TRAPPC8: variants seen among roughly 807,000 people sequenced by gnomAD.
TRAPPC8 encodes the protein trafficking protein particle complex subunit 8.
A neutral mutation model predicts 174.3 loss-of-function variants in TRAPPC8; 54 were observed. That is an observed-to-expected ratio of 0.31 (90% confidence interval 0.25 to 0.39). TRAPPC8 has a LOEUF of 0.39. Ranked by LOEUF, TRAPPC8 falls within the 10% of genes least tolerant of loss-of-function variation. TRAPPC8 has a pLI of 1.00. For missense variants in TRAPPC8, 1,531 were observed against 1,699.1 expected (o/e 0.90, Z 1.74); for synonymous variants, 630 against 579.9 (o/e 1.09, Z -1.24).
intron 2 of TRAPPC8, among the ~76,000 whole-genome samples, chr18:31,927,983 C>T (rs2037689911): frequency 1.3e-5 from 2 of 151,600 alleles, no homozygotes; most frequent in Admixed American, 1.3e-4. Flanking sequence ...GGTGAAACCC[C>T]GTCTCTTATT....
chr18:31,912,155 A>G (rs752541897), intron 5 of TRAPPC8, among the ~76,000 whole-genome samples: 5 of 152,100 alleles, frequency 3.3e-5, no homozygotes, highest in Non-Finnish European at 7.4e-5. Context: ...ACCCACCTAA[A>G]AAGTATGAGT....
At chr18:31,935,151 C>G (rs1184383876) in intron 1 of TRAPPC8, among the ~76,000 whole-genome samples, 1 of 151,374 alleles carries the variant, frequency 6.6e-6, no homozygotes, top group East Asian at 2.0e-4. Flanking sequence ...TCAAAACCAG[C>G]CTGACCAACA....
chr18:31,894,741 T>C (rs2036113161), intron 11 of TRAPPC8, among the ~76,000 whole-genome samples: 1 of 152,194 alleles, frequency 6.6e-6, no homozygotes, highest in African/African-American at 2.4e-5. Flanking sequence ...CATCTCTGCA[T>C]ACTTGTGAAG....
chr18:31,898,015 A>ACCCT (rs2036254749), intron 10 of TRAPPC8, 124 bp from the exon 11 acceptor site: 1 of 749,548 alleles, frequency 1.3e-6, no homozygotes, highest in Non-Finnish European at 2.0e-6. Flanking sequence ...TGGTTCCAGG[A>ACCCT]CCCTCCAGGA....
chr18:31,895,521 A>G (rs192825757), intron 11 of TRAPPC8, among the ~76,000 whole-genome samples: 4 of 152,332 alleles, frequency 2.6e-5, no homozygotes, highest in Admixed American at 2.6e-4. Context: ...GTGGAAACAA[A>G]GAGTTGGAAA....
At chr18:31,903,046 CA>C (rs56801475) in intron 9 of TRAPPC8, among the ~76,000 whole-genome samples, 31,935 of 122,588 alleles carry the variant, frequency 0.26, 4,174 homozygotes, top group South Asian at 0.52. Context: ...AGACTCATCT[CA>C]AAAAAAAAAA....
intron 11 of TRAPPC8, chr18:31,896,402 A>T (rs958007081): frequency 1.3e-5 from 2 of 152,154 alleles, no homozygotes; most frequent in Non-Finnish European, 1.5e-5. Context: ...AAGAGCTTGA[A>T]AACAAAAATT....
At chr18:31,891,367 C>T (rs2035948057) in intron 11 of TRAPPC8, among the ~76,000 whole-genome samples, 1 of 152,066 alleles carries the variant, frequency 6.6e-6, no homozygotes, top group African/African-American at 2.4e-5. Flanking sequence ...TTAAAGGAAT[C>T]CTCAACTTTT....
chr18:31,832,251 A>C (rs539214341), intron 27 of TRAPPC8, 78 bp from the exon 28 acceptor site: 3 of 729,400 alleles, frequency 4.1e-6, no homozygotes, highest in African/African-American at 3.7e-5. Flanking sequence ...AACACTTAAG[A>C]CTATGTAACA....
chr18:31,942,460 C>G, intron 1 of TRAPPC8, 148 bp downstream of exon 1: 1 of 1,103,622 alleles, frequency 9.1e-7, no homozygotes, highest in South Asian at 2.1e-5. Flanking sequence ...CCAGCCGCCC[C>G]CGGAGCACCG....
At chr18:31,851,197 T>A (rs1379618023) in intron 24 of TRAPPC8, among the ~76,000 whole-genome samples, 1 of 152,150 alleles carries the variant, frequency 6.6e-6, no homozygotes, top group African/African-American at 2.4e-5. Context: ...CACCCCAGAT[T>A]CAGCATTTTT....
intron 5 of TRAPPC8, among the ~76,000 whole-genome samples, chr18:31,912,494 C>A (rs1598728461): frequency 6.8e-6 from 1 of 147,986 alleles, no homozygotes; most frequent in South Asian, 2.1e-4. Flanking sequence ...TCTTTGTCTC[C>A]AAAAAAAAAA....
Position 31,942,966 on chromosome 18 carries a change from C to T in TRAPPC8, c.-202G>A, listed in dbSNP as rs1437449710. ...AATCCACTGACCCCCCCCTTCCCGT[C>T]ACCGCCGCTTCTCAGCGCTCGTCCC... On this transcript the variant is annotated 5_prime_UTR_variant, in exon 1 of 29. Transcript: ENST00000283351. The T allele has an allele frequency of 1.9e-5, 21 of 1,099,622 alleles. No homozygotes were observed. Among genetic ancestry groups the T allele is most frequent in the Non-Finnish European group, 2.0e-5 (17 of 865,554 alleles). The allele number at this position is 1,099,622 out of a possible 1,614,324, so 68.1% of individuals were successfully genotyped here. A position where few individuals can be genotyped will look rare whatever the true frequency, so the allele number is the denominator to read the frequency against.
Position 31,849,512 on chromosome 18 carries a change from T to G in TRAPPC8, c.3735+54A>C, listed in dbSNP as rs2033593488. The G allele has an allele frequency of 2.1e-6, 3 of 1,419,294 alleles. No homozygotes were observed. In the African/African-American group the frequency reaches 4.4e-5, roughly 21 times the overall value. 87.9% of individuals were successfully genotyped at this position (1,419,294 alleles called of 1,614,324 possible). Reference sequence around the variant, plus strand: ...TAGTAATATACGTTTGTGCTTAGCTTAAGACTCGAGTATCTATAAGTGAGG... The same window carrying G: ...TAGTAATATACGTTTGTGCTTAGCTGAAGACTCGAGTATCTATAAGTGAGG... On this transcript the variant is annotated intron_variant, in intron 25 of 28. Coordinates refer to ENST00000283351, the MANE Select transcript of TRAPPC8 (RefSeq NM_014939.5).
intron 7 of TRAPPC8, 32 bp from the exon 8 acceptor site, chr18:31,908,450 C>T: frequency 7.4e-7 from 1 of 1,352,990 alleles, no homozygotes; most frequent in Non-Finnish European, 1.0e-6. Context: ...TGTTGACAAA[C>T]AAAGAATTTA....
chr18:31,844,433 G>A (rs1183015154), intron 26 of TRAPPC8: 1 of 152,106 alleles, frequency 6.6e-6, no homozygotes, highest in Non-Finnish European at 1.5e-5. Flanking sequence ...TCCTGGTTTG[G>A]AGTGTTCCTC....
At chr18:31,874,257 C>A in intron 13 of TRAPPC8, 3 of 489,716 alleles carry the variant, frequency 6.1e-6, no homozygotes, top group Middle Eastern at 5.3e-4. Context: ...AGAACAGCCA[C>A]AAATCAAGTG....
At chr18:31,867,093 T>C in intron 17 of TRAPPC8, 118 bp from the exon 18 acceptor site, 1 of 1,084,816 alleles carries the variant, frequency 9.2e-7, no homozygotes, top group Non-Finnish European at 1.3e-6. Flanking sequence ...AAAATGCCAA[T>C]TAATTTATGA....
chr18:31,892,972 G>A (rs2036019891), intron 11 of TRAPPC8, among the ~76,000 whole-genome samples: 2 of 149,630 alleles, frequency 1.3e-5, no homozygotes, highest in Non-Finnish European at 3.0e-5. Flanking sequence ...AGCCATGAAT[G>A]CACCACTGCA....
Sources: gnomAD v4.1 joint callset for allele counts (sites outside exome capture counted in the v4.1 genomes callset) on GRCh38, gnomAD v4.1.1 for gene constraint, MANE v1.5 for transcripts, NCBI Gene and HGNC (gene_info 2026-07-23, HGNC 2026-07-21) for gene names.